The following VTI1A variants were observed in gnomAD, a reference collection of about 807,000 sequenced individuals.
VTI1A encodes the protein vesicle transport through interaction with t-SNAREs 1A, also known as vesicle transport through interaction with t-SNAREs homolog 1A.
VTI1A carries 22 observed loss-of-function variants against 34.9 expected under a neutral mutation model. That is an observed-to-expected ratio of 0.63 (90% CI 0.45 to 0.90). The LOEUF is 0.90. VTI1A is among the 40% of genes least tolerant of loss of function. The pLI, the probability that VTI1A is intolerant of heterozygous loss-of-function variation, is 0.00. For synonymous variants in VTI1A, 87 were observed against 97.3 expected (o/e 0.89, Z 0.62); for missense variants, 268 against 275.6 (o/e 0.97, Z 0.20).
At chr10:112,551,160 T>C (rs1301802018) in intron 5 of VTI1A, among the ~76,000 whole-genome samples, 1 of 143,274 alleles carries the variant, frequency 7.0e-6, no homozygotes, top group Non-Finnish European at 1.5e-5. Flanking sequence ...AGGAGAATGG[T>C]GTGAACCCGG....
intron 5 of VTI1A, 101 bp downstream of exon 5, chr10:112,538,431 G>C: frequency 9.3e-7 from 1 of 1,079,542 alleles, no homozygotes; most frequent in Non-Finnish European, 1.4e-6. Flanking sequence ...AGAGACAGCA[G>C]CCCGAGATGT....
chr10:112,656,970 G>T (rs551712952), intron 5 of VTI1A, among the ~76,000 whole-genome samples: 29 of 152,042 alleles, frequency 1.9e-4, no homozygotes, highest in Non-Finnish European at 3.7e-4. Context: ...TTTAAAAGTG[G>T]GTAGCACCTT....
chr10:112,741,754 GA>G (rs568566907), intron 7 of VTI1A, among the ~76,000 whole-genome samples: 1 of 151,954 alleles, frequency 6.6e-6, no homozygotes, highest in Admixed American at 6.5e-5. Context: ...TACCAGCGTA[GA>G]AAAAAGGGGG....
At chr10:112,515,459 T>A (rs1225016098) in intron 3 of VTI1A, among the ~76,000 whole-genome samples, 4 of 152,120 alleles carry the variant, frequency 2.6e-5, no homozygotes, top group Non-Finnish European at 5.9e-5. Context: ...TGAATATTCT[T>A]CCAGATAGCC....
intron 7 of VTI1A, among the ~76,000 whole-genome samples, chr10:112,674,753 A>G (rs1847970288): frequency 6.6e-6 from 1 of 152,218 alleles, no homozygotes; most frequent in South Asian, 2.1e-4. Context: ...AGTGAAGTTA[A>G]GTAAACTATC....
chr10:112,571,961 A>T (rs1852141564), intron 5 of VTI1A, among the ~76,000 whole-genome samples: 1 of 152,202 alleles, frequency 6.6e-6, no homozygotes, highest in African/African-American at 2.4e-5. Flanking sequence ...AGATGGGAAC[A>T]GCAGACACTG....
intron 5 of VTI1A, among the ~76,000 whole-genome samples, chr10:112,624,031 G>T (rs936720165): frequency 6.6e-6 from 1 of 152,084 alleles, no homozygotes; most frequent in African/African-American, 2.4e-5. Context: ...GACCAGCATG[G>T]GACTGACAAA....
At chr10:112,801,550 CT>C (rs1320854189) in intron 7 of VTI1A, among the ~76,000 whole-genome samples, 2 of 152,304 alleles carry the variant, frequency 1.3e-5, no homozygotes, top group African/African-American at 2.4e-5. Context: ...GTTCTTCCAT[CT>C]GATTTTCTTT....
chr10:112,779,672 A>G (rs902341153), intron 7 of VTI1A, among the ~76,000 whole-genome samples: 3 of 152,216 alleles, frequency 2.0e-5, no homozygotes, highest in Non-Finnish European at 4.4e-5. Context: ...TTGGCAGTCA[A>G]ATCTGTTTCA....
At chr10:112,620,264 T>C (rs1188729444) in intron 5 of VTI1A, among the ~76,000 whole-genome samples, 1 of 152,194 alleles carries the variant, frequency 6.6e-6, no homozygotes, top group Non-Finnish European at 1.5e-5. Context: ...ATTCTTTATT[T>C]ATGTGCAATA....
chr10:112,447,336 C>G lies in VTI1A; in HGVS notation c.-38C>G. On this transcript the variant is annotated 5_prime_UTR_variant, in exon 1 of 8. Transcript: ENST00000393077. ...CTGCCCCTCGAGGCCCTTTCCCTGA[C>G]CTAGGCTTTGGCCTGGGCTACTCGT... is the stretch of plus-strand genomic sequence containing the variant. The G allele has an allele frequency of 6.2e-7, 1 of 1,602,936 alleles. No homozygotes were observed. The highest frequency in any genetic ancestry group is 1.9e-4 in the Middle Eastern group (1 of 5,348).
intron 7 of VTI1A, among the ~76,000 whole-genome samples, chr10:112,781,098 C>T (rs1852110810): frequency 1.3e-5 from 2 of 152,124 alleles, no homozygotes; most frequent in South Asian, 2.1e-4. Flanking sequence ...GTGCACACCG[C>T]CATGGCCGGG....
intron 7 of VTI1A, among the ~76,000 whole-genome samples, chr10:112,719,473 A>C (rs1379836401): frequency 1.3e-5 from 2 of 151,992 alleles, no homozygotes; most frequent in African/African-American, 2.4e-5. Flanking sequence ...TAATGCGCCC[A>C]TTTAAAATGT....
intron 5 of VTI1A, among the ~76,000 whole-genome samples, chr10:112,652,726 C>CAAAAAAAGAAA (rs1847083161): frequency 9.4e-6 from 1 of 106,416 alleles, no homozygotes; most frequent in African/African-American, 3.8e-5. Flanking sequence ...GACCTTGTCT[C>CAAAAAAAGAAA]AAAAAAAAAA....
intron 7 of VTI1A, among the ~76,000 whole-genome samples, chr10:112,754,799 C>A (rs1337493694): frequency 6.6e-6 from 1 of 152,130 alleles, no homozygotes; most frequent in Admixed American, 6.5e-5. Flanking sequence ...GGGAAGGCAA[C>A]AAACTAGAAT....
intron 4 of VTI1A, among the ~76,000 whole-genome samples, chr10:112,533,074 G>A (rs1014308939): frequency 6.6e-6 from 1 of 152,056 alleles, no homozygotes; most frequent in Non-Finnish European, 1.5e-5. Flanking sequence ...CAAAGCATGA[G>A]CTATTAATCA....
At chr10:112,712,479 C>CACACAT (rs1849456823) in intron 7 of VTI1A, among the ~76,000 whole-genome samples, 1 of 123,118 alleles carries the variant, frequency 8.1e-6, no homozygotes, top group Admixed American at 7.8e-5. Flanking sequence ...TATTATCACA[C>CACACAT]ACACACACAC....
At chr10:112,827,788 G>A in the VTI1A span, 2 of 152,036 alleles carry the variant, frequency 1.3e-5, no homozygotes, top group African/African-American at 2.4e-5. Flanking sequence ...CTTTCTAATT[G>A]AAGGTTAGTT....
chr10:112,447,303 G>C lies in VTI1A; in HGVS notation c.-71G>C. 8.5e-6 allele frequency: 13 copies of C among 1,525,838 alleles called. No homozygotes were observed. The highest frequency in any genetic ancestry group is 1.4e-5 in the African/African-American group (1 of 73,014). 94.5% of individuals were successfully genotyped at this position (1,525,838 alleles called of 1,614,324 possible). A position where few individuals can be genotyped will look rare whatever the true frequency, so the allele number is the denominator to read the frequency against. On this transcript the variant is annotated 5_prime_UTR_variant, in exon 1 of 8. Transcript: ENST00000393077. ...CCTTCCGGGGTTCCTAAGCCGCGGGGCCCCTCGCTGCCCCTCGAGGCCCTT... is the reference window on the plus strand; with the variant it reads ...CCTTCCGGGGTTCCTAAGCCGCGGGCCCCCTCGCTGCCCCTCGAGGCCCTT...
Sources: gnomAD v4.1 joint callset for allele counts (sites outside exome capture counted in the v4.1 genomes callset) on GRCh38, gnomAD v4.1.1 for gene constraint, MANE v1.5 for transcripts, NCBI Gene and HGNC (gene_info 2026-07-23, HGNC 2026-07-21) for gene names.